The following PTAFR variants were observed in gnomAD, a reference collection of about 807,000 sequenced individuals.
PTAFR encodes platelet-activating factor receptor.
PTAFR carries 8 observed loss-of-function variants against 14.7 expected under a neutral mutation model. The ratio of observed to expected loss-of-function variants is 0.54; its 90% CI spans 0.32 to 0.98. The LOEUF is 0.98. Among genes scored for constraint, PTAFR ranks in the 50% least tolerant of loss-of-function variants. The pLI, the probability that PTAFR is intolerant of heterozygous loss-of-function variation, is 0.04. For synonymous variants in PTAFR, 156 were observed against 176.5 expected (o/e 0.88, Z 0.92); for missense variants, 337 against 451.2 (o/e 0.75, Z 2.29).
At chr1:28,188,752 C>G (rs1431849038) in intron 1 of PTAFR, among the ~76,000 whole-genome samples, 1 of 151,860 alleles carries the variant, frequency 6.6e-6, no homozygotes, top group Non-Finnish European at 1.5e-5. Context: ...AAACCAAAAA[C>G]TGATGAAGAG....
At chr1:28,193,011 C>T (rs968486569) in intron 1 of PTAFR, among the ~76,000 whole-genome samples, 2 of 152,206 alleles carry the variant, frequency 1.3e-5, no homozygotes, top group African/African-American at 2.4e-5. Context: ...CCCGGCTCAG[C>T]TCTGCCCTTC....
rs780344665 is a variant in PTAFR, at chr1:28,167,633, A to ATTTTTTTTTTTTTT, written c.-39+8945_-39+8958dup. Among the ~76,000 whole-genome samples, 34 of 80,250 alleles carry ATTTTTTTTTTTTTT rather than the reference A, an allele frequency of 4.2e-4. 6 individuals carry two copies. The highest frequency in any genetic ancestry group is 1.4e-3 in the African/African-American group (26 of 18,048). 52.6% of individuals were successfully genotyped at this position (80,250 alleles called of 152,430 possible). A position where few individuals can be genotyped will look rare whatever the true frequency, so the allele number is the denominator to read the frequency against. On this transcript the variant is annotated intron_variant, in intron 1 of 1. Coordinates refer to ENST00000373857, the MANE Select transcript of PTAFR (RefSeq NM_000952.5). ...TATATTCAAAAGAACTGAAAACGGGATTTTTTTTTTTTTTTTTTTTTTTTT... is the reference window on the plus strand; with the variant it reads ...TATATTCAAAAGAACTGAAAACGGGATTTTTTTTTTTTTTTTTTTTTTTTTTTTTTTTTTTTTTT...
chr1:28,182,608 G>A (rs1646571237), intron 1 of PTAFR, among the ~76,000 whole-genome samples: 1 of 151,530 alleles, frequency 6.6e-6, no homozygotes, highest in Non-Finnish European at 1.5e-5. Flanking sequence ...AAAAAAAAAA[G>A]TGTGCTGATA....
At chr1:28,168,981 T>A (rs894230532) in intron 1 of PTAFR, among the ~76,000 whole-genome samples, 7 of 152,078 alleles carry the variant, frequency 4.6e-5, no homozygotes, top group Admixed American at 4.6e-4. Flanking sequence ...TTGAAAACAT[T>A]CTATTGGCAC....
intron 1 of PTAFR, among the ~76,000 whole-genome samples, chr1:28,162,984 C>T (rs1426251029): frequency 6.6e-6 from 1 of 152,170 alleles, no homozygotes; most frequent in African/African-American, 2.4e-5. Flanking sequence ...GGCCCAGGAT[C>T]AAGTCTAAGC....
upstream of PTAFR, among the ~76,000 whole-genome samples, chr1:28,178,400 A>C (rs1310069461): frequency 6.6e-6 from 1 of 151,884 alleles, no homozygotes; most frequent in African/African-American, 2.4e-5. Context: ...AGCTGAGATT[A>C]CAGGCAAGCA....
chr1:28,155,949 G>C (rs2148994443), intron 1 of PTAFR, among the ~76,000 whole-genome samples: 2 of 152,096 alleles, frequency 1.3e-5, no homozygotes, highest in East Asian at 3.9e-4. Context: ...ACTATATGCG[G>C]GGCTTTGATA....
chr1:28,193,333 C>G (rs924268650), intron 1 of PTAFR, among the ~76,000 whole-genome samples: 3 of 152,090 alleles, frequency 2.0e-5, no homozygotes, highest in African/African-American at 7.2e-5. Flanking sequence ...GGGTTAGGAT[C>G]TGCATCATGT....
In PTAFR at chr1:28,170,117, C is replaced by T. The variant is rs146404085; in HGVS notation, c.-39+6475G>A. On this transcript the variant is annotated intron_variant, in intron 1 of 1. Coordinates refer to ENST00000373857, the MANE Select transcript of PTAFR (RefSeq NM_000952.5). ...AGAGTTGGAAATTCCACCTCAAGTT[C>T]CCATAACAATCTATCACATTGCATT... 3.5e-4 allele frequency among the ~76,000 whole-genome samples: 54 copies of T among 152,280 alleles called. 1 individual carries two copies. Among genetic ancestry groups the T allele is most frequent in the African/African-American group, 9.6e-4 (40 of 41,560 alleles).
At chr1:28,165,220 C>G (rs538579466) in intron 1 of PTAFR, among the ~76,000 whole-genome samples, 1 of 151,902 alleles carries the variant, frequency 6.6e-6, no homozygotes, top group South Asian at 2.1e-4. Context: ...GCCTGGCTAA[C>G]ATGGTGAAAC....
At chr1:28,157,414 G>A (rs934985823) in intron 1 of PTAFR, among the ~76,000 whole-genome samples, 16 of 152,062 alleles carry the variant, frequency 1.1e-4, no homozygotes, top group South Asian at 4.1e-4. Context: ...TGATCCGCCC[G>A]CCTCGGCCTC....
At chr1:28,159,930 T>C (rs1275239913) in intron 1 of PTAFR, among the ~76,000 whole-genome samples, 1 of 151,924 alleles carries the variant, frequency 6.6e-6, no homozygotes, top group African/African-American at 2.4e-5. Flanking sequence ...TTCCAGACAA[T>C]TGGGCTGGCT....
At chr1:28,189,410 G>A (rs990068734) in intron 1 of PTAFR, among the ~76,000 whole-genome samples, 4 of 151,848 alleles carry the variant, frequency 2.6e-5, no homozygotes, top group East Asian at 2.0e-4. Flanking sequence ...TCAGGAGTTC[G>A]AGACCAGCCT....
At chr1:28,186,369 A>G (rs1034959007) in intron 1 of PTAFR, among the ~76,000 whole-genome samples, 1 of 152,200 alleles carries the variant, frequency 6.6e-6, no homozygotes, top group Non-Finnish European at 1.5e-5. Context: ...TAGATGTACT[A>G]TATTCATGCA....
At chr1:28,161,622 C>T (rs902397847) in intron 1 of PTAFR, among the ~76,000 whole-genome samples, 5 of 152,124 alleles carry the variant, frequency 3.3e-5, no homozygotes, top group Non-Finnish European at 7.3e-5. Context: ...GCTAGGATTA[C>T]AGGCATGAGC....
At chr1:28,154,433 G>C (rs573908940) in intron 1 of PTAFR, among the ~76,000 whole-genome samples, 28 of 151,988 alleles carry the variant, frequency 1.8e-4, no homozygotes, top group Non-Finnish European at 3.1e-4. Context: ...CCAGCAAGGG[G>C]GCCCTGACCT....
At chr1:28,165,927 A>G (rs956894572) in intron 1 of PTAFR, among the ~76,000 whole-genome samples, 1 of 152,242 alleles carries the variant, frequency 6.6e-6, no homozygotes, top group Non-Finnish European at 1.5e-5. Flanking sequence ...TTCTACCAAA[A>G]TCCCAGTGTA....
intron 1 of PTAFR, among the ~76,000 whole-genome samples, chr1:28,170,072 C>G (rs1161422910): frequency 6.6e-6 from 1 of 151,942 alleles, no homozygotes; most frequent in East Asian, 1.9e-4. Context: ...TATTGTTACT[C>G]TTACTTCCCT....
intron 1 of PTAFR, among the ~76,000 whole-genome samples, chr1:28,187,071 G>A (rs949131390): frequency 4.6e-5 from 7 of 152,310 alleles, no homozygotes; most frequent in Middle Eastern, 3.4e-3. Context: ...GATTACAGGC[G>A]TGAGCCACCT....
Sources: gnomAD v4.1 joint callset for allele counts (sites outside exome capture counted in the v4.1 genomes callset) on GRCh38, gnomAD v4.1.1 for gene constraint, MANE v1.5 for transcripts, NCBI Gene and HGNC (gene_info 2026-07-23, HGNC 2026-07-21) for gene names.